Variants in KCNH8 observed in about 807,000 individuals in gnomAD.
The protein encoded by KCNH8 is potassium voltage-gated channel subfamily H member 8, also known as voltage-gated delayed rectifier potassium channel KCNH8.
Under a neutral mutation model 103.6 loss-of-function variants are expected in KCNH8, and 70 were observed. The observed-to-expected ratio is 0.68, with a 90% CI of 0.56 to 0.82. KCNH8 has a LOEUF of 0.82. Among genes scored for constraint, KCNH8 ranks in the 40% least tolerant of loss-of-function variants. KCNH8 has a pLI of 0.00. For missense variants in KCNH8, 1,217 were observed against 1,329.9 expected (o/e 0.92, Z 1.32); for synonymous variants, 498 against 489.4 (o/e 1.02, Z -0.23).
chr3:19,387,000 C>T (rs1257328433), intron 5 of KCNH8, among the ~76,000 whole-genome samples: 1 of 152,118 alleles, frequency 6.6e-6, no homozygotes, highest in Non-Finnish European at 1.5e-5. Context: ...CTTGTACTTG[C>T]CATCTCTACA....
intron 15 of KCNH8, among the ~76,000 whole-genome samples, chr3:19,531,086 T>C (rs2069153608): frequency 6.6e-6 from 1 of 152,262 alleles, no homozygotes. Context: ...CTTCAGAGAC[T>C]GTGCCTTTAT....
At chr3:19,356,356 T>C (rs534986600) in intron 5 of KCNH8, among the ~76,000 whole-genome samples, 104 of 152,096 alleles carry the variant, frequency 6.8e-4, no homozygotes, top group Middle Eastern at 3.4e-3. Context: ...TAATGCTCTT[T>C]TGGGGAGATA....
At chr3:19,416,924 A>G (rs947189991) in intron 7 of KCNH8, among the ~76,000 whole-genome samples, 3 of 151,890 alleles carry the variant, frequency 2.0e-5, no homozygotes, top group Non-Finnish European at 4.4e-5. Context: ...TCACCCTTTC[A>G]CTAACCCAGT....
At chr3:19,191,141 C>T (rs1440693011) in intron 1 of KCNH8, among the ~76,000 whole-genome samples, 2 of 151,702 alleles carry the variant, frequency 1.3e-5, no homozygotes, top group Admixed American at 6.6e-5. Context: ...GTGCCATAAA[C>T]CTAAGTTTAT....
At chr3:19,180,190 C>T (rs570843851) in intron 1 of KCNH8, among the ~76,000 whole-genome samples, 2 of 151,262 alleles carry the variant, frequency 1.3e-5, no homozygotes, top group South Asian at 4.2e-4. Context: ...AACCCTTTAC[C>T]TACTTTGAGA....
chr3:19,470,630 G>GT (rs1274459320), intron 11 of KCNH8, among the ~76,000 whole-genome samples: 2 of 152,182 alleles, frequency 1.3e-5, no homozygotes, highest in Non-Finnish European at 2.9e-5. Flanking sequence ...TCACCCTGTA[G>GT]TAGCATGGTG....
intron 3 of KCNH8, among the ~76,000 whole-genome samples, chr3:19,329,000 G>T (rs1197228167): frequency 6.6e-6 from 1 of 152,090 alleles, no homozygotes; most frequent in Non-Finnish European, 1.5e-5. Flanking sequence ...TTTATAGCTA[G>T]TACCATTTGT....
At chr3:19,282,018 T>C (rs530039610) in intron 3 of KCNH8, among the ~76,000 whole-genome samples, 3 of 152,260 alleles carry the variant, frequency 2.0e-5, no homozygotes, top group African/African-American at 7.2e-5. Flanking sequence ...AGTAGGATTC[T>C]AGTCACCAGA....
intron 3 of KCNH8, among the ~76,000 whole-genome samples, chr3:19,335,639 A>G (rs1192643223): frequency 6.6e-6 from 1 of 151,560 alleles, no homozygotes; most frequent in Non-Finnish European, 1.5e-5. Flanking sequence ...GATAACCTTG[A>G]CTTTAACACC....
At chr3:19,375,098 C>G (rs2066170955) in intron 5 of KCNH8, among the ~76,000 whole-genome samples, 1 of 151,512 alleles carries the variant, frequency 6.6e-6, no homozygotes, top group Non-Finnish European at 1.5e-5. Flanking sequence ...AGTTGCTCTT[C>G]TCAAGGAGTA....
chr3:19,367,844 GT>G (rs2066034273), intron 5 of KCNH8, among the ~76,000 whole-genome samples: 1 of 151,956 alleles, frequency 6.6e-6, no homozygotes, highest in African/African-American at 2.4e-5. Flanking sequence ...AATCCTACAG[GT>G]TTTGGCGCTG....
intron 1 of KCNH8, among the ~76,000 whole-genome samples, chr3:19,225,559 G>C (rs1248647297): frequency 1.3e-5 from 2 of 152,076 alleles, no homozygotes; most frequent in African/African-American, 2.4e-5. Context: ...TCTTCTGGAC[G>C]TATGAATGTG....
intron 7 of KCNH8, among the ~76,000 whole-genome samples, chr3:19,415,783 G>A (rs898526789): frequency 1.3e-5 from 2 of 151,978 alleles, no homozygotes; most frequent in Non-Finnish European, 2.9e-5. Context: ...CTAAATTCTT[G>A]TCTGAAGTAG....
intron 11 of KCNH8, among the ~76,000 whole-genome samples, chr3:19,465,915 A>C (rs1361982771): frequency 6.6e-6 from 1 of 152,036 alleles, no homozygotes; most frequent in Non-Finnish European, 1.5e-5. Context: ...AACATATAAG[A>C]AGTTGCTTCT....
At chr3:19,424,185 T>A (rs968835027) in intron 7 of KCNH8, among the ~76,000 whole-genome samples, 7 of 152,030 alleles carry the variant, frequency 4.6e-5, no homozygotes, top group African/African-American at 1.7e-4. Context: ...TCTGAAGGTA[T>A]CACATTACCT....
intron 1 of KCNH8, among the ~76,000 whole-genome samples, chr3:19,178,308 G>C (rs1417732359): frequency 6.6e-6 from 1 of 152,028 alleles, no homozygotes; most frequent in East Asian, 1.9e-4. Context: ...AGCTAATAAA[G>C]GGCTAGTGGT....
At chr3:19,417,138 A>G (rs995020641) in intron 7 of KCNH8, among the ~76,000 whole-genome samples, 7 of 149,798 alleles carry the variant, frequency 4.7e-5, no homozygotes, top group Admixed American at 4.0e-4. Context: ...CAAATATTAT[A>G]TATATTTGGA....
At chr3:19,451,101 T>G (rs2067440717) in intron 9 of KCNH8, 54 bp from the exon 10 acceptor site, 7 of 1,580,582 alleles carry the variant, frequency 4.4e-6, no homozygotes, top group Admixed American at 1.7e-5. Context: ...GCAAAGTAAA[T>G]CAGTTAGACT....
chr3:19,397,071 G>A (rs999699395), intron 7 of KCNH8, among the ~76,000 whole-genome samples: 2 of 151,856 alleles, frequency 1.3e-5, no homozygotes, highest in African/African-American at 4.8e-5. Context: ...CAGGCTTGCT[G>A]CAGACTTAAA....
Sources: allele counts gnomAD v4.1 joint callset (sites outside exome capture counted in the v4.1 genomes callset), GRCh38; gene constraint gnomAD v4.1.1; transcripts MANE v1.5; gene names NCBI Gene and HGNC (gene_info 2026-07-23, HGNC 2026-07-21).